The following RXFP1 variants were observed in gnomAD, a reference collection of about 807,000 sequenced individuals.
RXFP1 encodes the protein relaxin receptor 1.
In RXFP1, 73 loss-of-function variants were observed where a neutral mutation model predicts 89.8. That is an observed-to-expected ratio of 0.81 (90% CI 0.67 to 0.99). The LOEUF (loss-of-function observed/expected upper bound fraction) is 0.99, where lower values mean the gene tolerates loss of function less well. RXFP1 is among the 50% of genes least tolerant of loss of function. The pLI is 0.00. For synonymous variants in RXFP1, 277 were observed against 305.5 expected (o/e 0.91, Z 0.97); for missense variants, 793 against 895.5 (o/e 0.89, Z 1.46).
chr4:158,524,521 G>A (rs978056797), intron 1 of RXFP1, among the ~76,000 whole-genome samples: 1 of 152,168 alleles, frequency 6.6e-6, no homozygotes, highest in African/African-American at 2.4e-5. Context: ...CACACAAACA[G>A]AGGTGACATT....
intron 12 of RXFP1, among the ~76,000 whole-genome samples, chr4:158,634,973 T>C (rs998854734): frequency 3.9e-5 from 6 of 152,174 alleles, no homozygotes; most frequent in African/African-American, 7.2e-5. Context: ...ATCTCCAATT[T>C]TGTTCTGCTT....
chr4:158,546,137 T>G lies in RXFP1; in HGVS notation c.49+24112T>G, dbSNP rs772702180. Among the ~76,000 whole-genome samples, 118 of 152,200 alleles carry G rather than the reference T, an allele frequency of 7.8e-4. 1 individual carries two copies. The highest frequency in any genetic ancestry group is 1.4e-3 in the Non-Finnish European group (92 of 67,992). ...CTCTTTTATTTCATTGAGCAGTGGTTTGTAGTTCTCCTTGAAGAGGTCCTT... is the reference window on the plus strand; with the variant it reads ...CTCTTTTATTTCATTGAGCAGTGGTGTGTAGTTCTCCTTGAAGAGGTCCTT... On this transcript the variant is annotated intron_variant, in intron 1 of 17. Coordinates refer to ENST00000307765, the MANE Select transcript of RXFP1 (RefSeq NM_021634.4).
At chr4:158,595,871 G>A (rs890026698) in intron 3 of RXFP1, among the ~76,000 whole-genome samples, 3 of 151,918 alleles carry the variant, frequency 2.0e-5, no homozygotes, top group Admixed American at 6.6e-5. Flanking sequence ...AATTGGCTGG[G>A]CACAGTGGCT....
At chr4:158,623,978 A>G (rs1766189979) in intron 9 of RXFP1, among the ~76,000 whole-genome samples, 1 of 151,468 alleles carries the variant, frequency 6.6e-6, no homozygotes, top group Non-Finnish European at 1.5e-5. Context: ...CCAACTCTAG[A>G]TTTTTTTTTC....
rs1159859917 is a variant in RXFP1 at position 158,522,163 on chromosome 4, G to T, written c.49+138G>T. Reference sequence around the variant, plus strand: ...AAAATTGTAATCTCACTTCAGAATTGTTCTTCTTAGTATATGTCTGGTATT... The same window carrying T: ...AAAATTGTAATCTCACTTCAGAATTTTTCTTCTTAGTATATGTCTGGTATT... On this transcript the variant is annotated intron_variant, in intron 1 of 17. Transcript: ENST00000307765. 1.2e-5 allele frequency: 7 copies of T among 587,686 alleles called. No homozygotes were observed. The African/African-American group carries it at 1.3e-4, about 11-fold the overall frequency. 36.4% of individuals were successfully genotyped at this position (587,686 alleles called of 1,614,324 possible).
At chr4:158,586,000 C>G (rs770340955) in intron 2 of RXFP1, among the ~76,000 whole-genome samples, 19 of 152,240 alleles carry the variant, frequency 1.2e-4, no homozygotes, top group Admixed American at 1.3e-4. Flanking sequence ...TGAGAAGGAC[C>G]CTAGTTGACT....
chr4:158,560,978 A>C (rs1296267197), intron 1 of RXFP1, among the ~76,000 whole-genome samples: 1 of 152,226 alleles, frequency 6.6e-6, no homozygotes, highest in East Asian at 1.9e-4. Flanking sequence ...TCAACAAACG[A>C]ACAGTGTTTA....
rs868109079 is a variant in RXFP1, at chr4:158,567,011, A to C, written c.50-5687A>C. Reference sequence around the variant, plus strand: ...AGGCCAGCGCCAGTTCCGGGTGGGCATGGGCTCTGTGGCCAGCACTCGGAG... The same window carrying C: ...AGGCCAGCGCCAGTTCCGGGTGGGCCTGGGCTCTGTGGCCAGCACTCGGAG... On this transcript the variant is annotated intron_variant, in intron 1 of 17. Coordinates refer to ENST00000307765, the MANE Select transcript of RXFP1 (RefSeq NM_021634.4). Among the ~76,000 whole-genome samples the C allele has an allele frequency of 1.1e-4, 17 of 152,180 alleles. No homozygotes were observed. The South Asian group carries it at 1.4e-3, about 13-fold the overall frequency.
chr4:158,620,612 T>C (rs11100191), intron 9 of RXFP1, among the ~76,000 whole-genome samples: 39,644 of 151,880 alleles, frequency 0.26, 8,587 homozygotes, highest in African/African-American at 0.59. Flanking sequence ...AACTTTTTTT[T>C]AAAAGCCAGA....
chr4:158,641,488 C>A (rs1186641216), intron 14 of RXFP1, among the ~76,000 whole-genome samples: 1 of 152,168 alleles, frequency 6.6e-6, no homozygotes, highest in South Asian at 2.1e-4. Flanking sequence ...TACTATAATT[C>A]TGTTGATAAA....
chr4:158,597,707 T>C (rs557798538), intron 3 of RXFP1, among the ~76,000 whole-genome samples: 3 of 152,254 alleles, frequency 2.0e-5, no homozygotes, highest in Non-Finnish European at 4.4e-5. Flanking sequence ...AGTCTCTGTA[T>C]ATGAAAAAAA....
upstream of RXFP1, chr4:158,521,820 C>G: frequency 1.8e-6 from 1 of 561,602 alleles, no homozygotes; most frequent in South Asian, 2.4e-5. Context: ...TGGAAAGAGA[C>G]AGAGAAAGGA....
At chr4:158,525,323 G>T (rs1742240651) in intron 1 of RXFP1, among the ~76,000 whole-genome samples, 1 of 151,914 alleles carries the variant, frequency 6.6e-6, no homozygotes, top group African/African-American at 2.4e-5. Context: ...GACTTTTAGG[G>T]TAACATGCGT....
In RXFP1 at chr4:158,633,518, A is replaced by C. The variant is rs1561174885; in HGVS notation, c.971+42A>C. ...TTTTGCCACCTCGTTTCTTTATTTT[A>C]TTATTTTTTAAATTGTAAAATATGC... On this transcript the variant is annotated intron_variant, in intron 12 of 17. Transcript: ENST00000307765. 5.5e-6 allele frequency: 7 copies of C among 1,269,604 alleles called. No homozygotes were observed. In the East Asian group the frequency reaches 1.7e-4, roughly 30 times the overall value. 78.6% of individuals were successfully genotyped at this position (1,269,604 alleles called of 1,614,324 possible).
chr4:158,549,639 C>G (rs1011567797), intron 1 of RXFP1, among the ~76,000 whole-genome samples: 6 of 152,132 alleles, frequency 3.9e-5, no homozygotes, highest in Non-Finnish European at 8.8e-5. Flanking sequence ...GTGTGGATGT[C>G]CTTTCTGTTT....
At chr4:158,548,576 C>T (rs1749176271) in intron 1 of RXFP1, among the ~76,000 whole-genome samples, 1 of 152,186 alleles carries the variant, frequency 6.6e-6, no homozygotes, top group African/African-American at 2.4e-5. Flanking sequence ...CATGGTTTTG[C>T]AGTGGCTGGT....
At chr4:158,603,918 A>G (rs1171157528) in intron 4 of RXFP1, among the ~76,000 whole-genome samples, 1 of 148,182 alleles carries the variant, frequency 6.7e-6, no homozygotes, top group Non-Finnish European at 1.5e-5. Context: ...AATAATAATA[A>G]TAATAATAAT....
intron 1 of RXFP1, among the ~76,000 whole-genome samples, chr4:158,542,109 A>ATATATATATATATTTTT: frequency 8.0e-4 from 28 of 35,216 alleles, no homozygotes; most frequent in Admixed American, 1.7e-3. Context: ...ATATATATAT[A>ATATATATATATATTTTT]TTTTTTTTTT....
At position 158,647,013 on chromosome 4, in the gene RXFP1, C is replaced by T. The variant is rs781129523; in HGVS notation, c.1568C>T (p.Pro523Leu). Residue 523 changes from proline (P) to leucine (L), a missense_variant, in exon 16 of 18, where the codon CCT (proline) becomes CTT (leucine). Coordinates refer to ENST00000307765, the MANE Select transcript of RXFP1 (RefSeq NM_021634.4). ...GTCTATCCTTTTAGATGTGTGAGAC[C>T]TGGAAAATGCAGAACAATTACAGTT... ...CIVYPFRCVRPGKCRTITVLI... is the reference protein window; with the variant it reads ...CIVYPFRCVRLGKCRTITVLI... 1 of 1,614,044 alleles carries T rather than the reference C, an allele frequency of 6.2e-7. No homozygotes were observed. Among genetic ancestry groups the T allele is most frequent in the Non-Finnish European group, 8.5e-7 (1 of 1,179,980 alleles).
Sources: allele counts gnomAD v4.1 joint callset (sites outside exome capture counted in the v4.1 genomes callset), GRCh38; gene constraint gnomAD v4.1.1; transcripts MANE v1.5; gene names NCBI Gene and HGNC (gene_info 2026-07-23, HGNC 2026-07-21).